The following ST8SIA5 variants were observed in gnomAD, a reference collection of about 807,000 sequenced individuals.
ST8SIA5 encodes the protein alpha-2,8-sialyltransferase 8E.
Under a neutral mutation model 40.2 loss-of-function variants are expected in ST8SIA5, and 24 were observed. That is an observed-to-expected ratio of 0.60 (90% confidence interval 0.43 to 0.84). ST8SIA5 has a LOEUF of 0.84. Among genes scored for constraint, ST8SIA5 ranks in the 40% least tolerant of loss-of-function variants. The pLI, the probability that ST8SIA5 is intolerant of heterozygous loss-of-function variation, is 0.00. For missense variants in ST8SIA5, 465 were observed against 498.5 expected (o/e 0.93, Z 0.64); for synonymous variants, 198 against 201.8 (o/e 0.98, Z 0.16).
At chr18:46,689,240 G>A (rs2039479181) in intron 3 of ST8SIA5, among the ~76,000 whole-genome samples, 2 of 152,072 alleles carry the variant, frequency 1.3e-5, no homozygotes, top group South Asian at 2.1e-4. Context: ...TCAGGGCCCA[G>A]GCCAGGCTTC....
intron 1 of ST8SIA5, chr18:46,730,393 C>A (rs1038227550): frequency 3.6e-6 from 1 of 279,084 alleles, no homozygotes; most frequent in African/African-American, 2.3e-5. Flanking sequence ...TGCTAACATG[C>A]ATATAAAGGC....
intron 1 of ST8SIA5, among the ~76,000 whole-genome samples, chr18:46,738,617 T>G (rs898531391): frequency 1.3e-5 from 2 of 152,162 alleles, no homozygotes; most frequent in African/African-American, 4.8e-5. Context: ...GTCACTCTGC[T>G]GACCCACCAC....
At position 46,674,539 on chromosome 18, in the gene ST8SIA5, G is replaced by C. The variant is rs1422441886; in HGVS notation, c.*5503C>G. The C allele has an allele frequency of 1.3e-5, 2 of 152,280 alleles. No homozygotes were observed. Among genetic ancestry groups the C allele is most frequent in the African/African-American group, 4.8e-5 (2 of 41,476 alleles). The allele number at this position is 152,280 out of a possible 1,614,324, so 9.4% of individuals were successfully genotyped here. ...AACTGCTGGAGTCCCCCAGGAACCA[G>C]AGACCTCATTACTGTAGTAAACATG... On this transcript the variant is annotated 3_prime_UTR_variant, in exon 7 of 7. Coordinates refer to ENST00000315087, the MANE Select transcript of ST8SIA5 (RefSeq NM_013305.6).
At chr18:46,694,140 C>G (rs11665086) in intron 2 of ST8SIA5, among the ~76,000 whole-genome samples, 69,995 of 152,090 alleles carry the variant, frequency 0.46, 18,303 homozygotes, top group Non-Finnish European at 0.6. Flanking sequence ...CCCACTCCTT[C>G]TTAAGGAAGG....
intron 1 of ST8SIA5, among the ~76,000 whole-genome samples, chr18:46,745,257 A>C (rs2144565560): frequency 6.6e-6 from 1 of 152,324 alleles, no homozygotes; most frequent in East Asian, 1.9e-4. Context: ...AAACCCTTCA[A>C]AAAATCAACA....
At chr18:46,688,133 T>G (rs554948988) in intron 4 of ST8SIA5, among the ~76,000 whole-genome samples, 49 of 152,330 alleles carry the variant, frequency 3.2e-4, no homozygotes, top group South Asian at 1.0e-3. Flanking sequence ...CTCATTCATT[T>G]TGTGGTCCTC....
intron 1 of ST8SIA5, among the ~76,000 whole-genome samples, chr18:46,710,366 TCTTTCTTTCTTTC>T (rs1457748685): frequency 8.7e-5 from 2 of 22,926 alleles, no homozygotes; most frequent in African/African-American, 2.4e-4. Context: ...TTCTTTCTTT[TCTTTCTTTCTTTC>T]TTTCTTTCTT....
At chr18:46,718,894 C>T (rs2039821906) in intron 1 of ST8SIA5, among the ~76,000 whole-genome samples, 1 of 152,150 alleles carries the variant, frequency 6.6e-6, no homozygotes, top group Non-Finnish European at 1.5e-5. Flanking sequence ...GTTAGGTCCT[C>T]CCCCAAGCTC....
intron 5 of ST8SIA5, among the ~76,000 whole-genome samples, chr18:46,685,143 A>G (rs542597713): frequency 4.6e-5 from 7 of 152,334 alleles, no homozygotes; most frequent in Admixed American, 4.6e-4. Flanking sequence ...AAGGCCCAGA[A>G]GGGGGACATG....
At position 46,676,415 on chromosome 18, in the gene ST8SIA5, A is replaced by G. The variant is rs2039339751; in HGVS notation, c.*3627T>C. On this transcript the variant is annotated 3_prime_UTR_variant, in exon 7 of 7. Transcript: ENST00000315087. ...GCCTGGCACAACATGAGCACTCAAT[A>G]AATATAATTTATTCACCAATTCACT... 1 of 152,228 alleles carries G rather than the reference A, an allele frequency of 6.6e-6. No individual in the cohort carries two copies. Among genetic ancestry groups the G allele is most frequent in the East Asian group, 1.9e-4 (1 of 5,198 alleles). 9.4% of individuals were successfully genotyped at this position (152,228 alleles called of 1,614,324 possible). A position where few individuals can be genotyped will look rare whatever the true frequency, so the allele number is the denominator to read the frequency against.
rs563891894 is a variant in ST8SIA5, at chr18:46,679,223, A to T, written c.*819T>A. On this transcript the variant is annotated 3_prime_UTR_variant, in exon 7 of 7. Transcript: ENST00000315087. Reference sequence around the variant, plus strand: ...GCTAAGCACTTATTGAGTCAATAACATTGGCTTGGAAGCCATAGTGCAAGT... The same window carrying T: ...GCTAAGCACTTATTGAGTCAATAACTTTGGCTTGGAAGCCATAGTGCAAGT... 44 of 152,354 alleles carry T rather than the reference A, an allele frequency of 2.9e-4. 1 individual carries two copies. Among genetic ancestry groups the T allele is most frequent in the African/African-American group, 1.1e-3 (44 of 41,586 alleles). 9.4% of individuals were successfully genotyped at this position (152,354 alleles called of 1,614,324 possible).
Position 46,673,955 on chromosome 18 carries a change from G to T in ST8SIA5, c.*6087C>A, listed in dbSNP as rs2060382800. On this transcript the variant is annotated 3_prime_UTR_variant, in exon 7 of 7. Coordinates refer to ENST00000315087, the MANE Select transcript of ST8SIA5 (RefSeq NM_013305.6). ...GTTACAGGGAGGAGACTAGGTCAGG[G>T]CGTGTGTTGAGCTCAGAGAAGCAGC... The T allele has an allele frequency of 6.6e-6, 1 of 152,124 alleles. No individual in the cohort carries two copies. The highest frequency in any genetic ancestry group is 2.4e-5 in the African/African-American group (1 of 41,440). The allele number at this position is 152,124 out of a possible 1,614,324, so 9.4% of individuals were successfully genotyped here. A position where few individuals can be genotyped will look rare whatever the true frequency, so the allele number is the denominator to read the frequency against.
At chr18:46,743,458 G>T (rs1320326692) in intron 1 of ST8SIA5, among the ~76,000 whole-genome samples, 1 of 152,122 alleles carries the variant, frequency 6.6e-6, no homozygotes, top group East Asian at 1.9e-4. Context: ...TGGAAGAAAA[G>T]GTATCAGTGA....
chr18:46,736,305 C>G (rs540585000), intron 1 of ST8SIA5, among the ~76,000 whole-genome samples: 2 of 152,238 alleles, frequency 1.3e-5, no homozygotes, highest in Non-Finnish European at 1.5e-5. Flanking sequence ...AAAGGGCACA[C>G]AATGGATGCT....
chr18:46,739,491 G>A (rs562173372), intron 1 of ST8SIA5, among the ~76,000 whole-genome samples: 12 of 152,158 alleles, frequency 7.9e-5, no homozygotes, highest in East Asian at 1.9e-4. Flanking sequence ...CTGAGATAGC[G>A]CCACTGCACT....
At chr18:46,685,364 G>A (rs667402) in intron 5 of ST8SIA5, among the ~76,000 whole-genome samples, 1,572 of 152,266 alleles carry the variant, frequency 0.01, 20 homozygotes, top group African/African-American at 0.036. Flanking sequence ...TCGACTAGGC[G>A]TCCACAGGGA....
intron 3 of ST8SIA5, among the ~76,000 whole-genome samples, chr18:46,690,135 C>T (rs986048047): frequency 6.6e-6 from 1 of 152,166 alleles, no homozygotes; most frequent in Non-Finnish European, 1.5e-5. Flanking sequence ...GAGATCACTC[C>T]TATTGAGGGA....
chr18:46,700,863 G>A lies in ST8SIA5; in HGVS notation c.224+3709C>T, dbSNP rs1057077450. On this transcript the variant is annotated intron_variant, in intron 2 of 6. Coordinates refer to ENST00000315087, the MANE Select transcript of ST8SIA5 (RefSeq NM_013305.6). ...TGATGGCAAGTGGAATCGATGGAAG[G>A]TGACTGTCTCTCATGTTCCTCTCTA... Among the ~76,000 whole-genome samples, 7 of 152,280 alleles carry A rather than the reference G, an allele frequency of 4.6e-5. No individual in the cohort carries two copies. The South Asian group carries it at 1.4e-3, about 32-fold the overall frequency.
chr18:46,720,880 C>T (rs758632673), intron 1 of ST8SIA5, among the ~76,000 whole-genome samples: 4 of 152,172 alleles, frequency 2.6e-5, no homozygotes, highest in Non-Finnish European at 4.4e-5. Flanking sequence ...CTCAGCACCA[C>T]CTTGATGGAA....
Sources: gnomAD v4.1 joint callset for allele counts (sites outside exome capture counted in the v4.1 genomes callset) on GRCh38, gnomAD v4.1.1 for gene constraint, MANE v1.5 for transcripts, NCBI Gene and HGNC (gene_info 2026-07-23, HGNC 2026-07-21) for gene names.